TJP2: variants seen among roughly 807,000 people sequenced by gnomAD.
TJP2 encodes the protein tight junction protein 2.
In TJP2, 91 loss-of-function variants were observed where a neutral mutation model predicts 133.1. The ratio of observed to expected loss-of-function variants is 0.68; its 90% CI spans 0.58 to 0.81. The LOEUF (loss-of-function observed/expected upper bound fraction) is 0.81, where lower values mean the gene tolerates loss of function less well. Ranked by LOEUF, TJP2 falls within the 40% of genes least tolerant of loss-of-function variation. The pLI is 0.00. For missense variants in TJP2, 1,541 were observed against 1,565.6 expected (o/e 0.98, Z 0.26); for synonymous variants, 592 against 583.4 (o/e 1.01, Z -0.21).
intron 2 of TJP2, 37 bp from the exon 3 acceptor site, chr9:69,216,302 T>TGAA: frequency 6.2e-7 from 1 of 1,613,708 alleles, no homozygotes; most frequent in Non-Finnish European, 8.5e-7. Context: ...AGCCACTTAT[T>TGAA]GAAGGATTTT....
upstream of TJP2, among the ~76,000 whole-genome samples, chr9:69,171,551 C>T (rs1824681469): frequency 1.3e-5 from 2 of 152,094 alleles, no homozygotes; most frequent in African/African-American, 4.8e-5. Flanking sequence ...TTCTTTGTGT[C>T]TTAAAAACTC....
intron 1 of TJP2, among the ~76,000 whole-genome samples, chr9:69,150,871 A>G (rs978463158): frequency 6.6e-6 from 1 of 152,196 alleles, no homozygotes; most frequent in South Asian, 2.1e-4. Flanking sequence ...ACTTCCACCA[A>G]CTGAAGAATA....
intron 19 of TJP2, chr9:69,248,728 A>C (rs1226948231): frequency 6.0e-6 from 6 of 997,456 alleles, no homozygotes; most frequent in Non-Finnish European, 7.2e-6. Flanking sequence ...TCATCTGATC[A>C]CATCACATGT....
chr9:69,178,757 C>A (rs980931247), intron 1 of TJP2, among the ~76,000 whole-genome samples: 1 of 152,134 alleles, frequency 6.6e-6, no homozygotes, highest in Non-Finnish European at 1.5e-5. Context: ...AGCCATTCTG[C>A]AGTTTTTAAA....
intron 1 of TJP2, among the ~76,000 whole-genome samples, chr9:69,197,399 T>C (rs73450836): frequency 0.018 from 2,666 of 152,342 alleles, 61 homozygotes; most frequent in African/African-American, 0.061. Context: ...TTGGGCTGTT[T>C]CCACTTGTTT....
chr9:69,184,374 AC>A (rs1357231472), intron 1 of TJP2, among the ~76,000 whole-genome samples: 1 of 152,198 alleles, frequency 6.6e-6, no homozygotes, highest in Non-Finnish European at 1.5e-5. Context: ...TTGACCTTCC[AC>A]CTTCTCAGCA....
chr9:69,248,066 G>GGC lies in TJP2; in HGVS notation c.2726_2727dup (p.Asp910ArgfsTer4). The GGC allele has an allele frequency of 6.2e-7, 1 of 1,614,138 alleles. No homozygotes were observed. Among genetic ancestry groups the GGC allele is most frequent in the South Asian group, 1.1e-5 (1 of 91,082 alleles). On this transcript the variant is annotated frameshift_variant, in exon 19 of 23. Transcript: ENST00000377245. LOFTEE classifies it high-confidence loss of function. ...CCGCATGTCCTACTTAACCGCCATG[G>GGC]GCGCGGACTATCTGAGTTGCGACAG... is the stretch of plus-strand genomic sequence containing the variant.
At chr9:69,251,013 A>G (rs756364592) in intron 20 of TJP2, 22 bp from the exon 21 acceptor site, 75 of 1,608,168 alleles carry the variant, frequency 4.7e-5, no homozygotes, top group Non-Finnish European at 6.3e-5. Flanking sequence ...CCAGGGTGAA[A>G]ACGTGTCATT....
intron 11 of TJP2, among the ~76,000 whole-genome samples, chr9:69,231,735 G>C (rs545629255): frequency 6.6e-6 from 1 of 152,250 alleles, no homozygotes; most frequent in South Asian, 2.1e-4. Context: ...GCCCTGGTCA[G>C]GATCTAGAAG....
chr9:69,192,575 G>A (rs1826275779), intron 1 of TJP2, among the ~76,000 whole-genome samples: 2 of 152,152 alleles, frequency 1.3e-5, no homozygotes, highest in South Asian at 4.1e-4. Flanking sequence ...AGTTTTTGGT[G>A]GTGGTTTGTT....
chr9:69,250,993 A>C, intron 20 of TJP2, 42 bp from the exon 21 acceptor site: 1 of 1,573,992 alleles, frequency 6.4e-7, no homozygotes, highest in Non-Finnish European at 8.7e-7. Context: ...TTGAAAATAA[A>C]CTTAAAAGCC....
intron 2 of TJP2, among the ~76,000 whole-genome samples, chr9:69,213,209 G>A (rs918704980): frequency 5.3e-5 from 8 of 151,976 alleles, no homozygotes; most frequent in East Asian, 1.9e-4. Flanking sequence ...GATTACAGGC[G>A]CCTATCACCA....
intron 9 of TJP2, 99 bp downstream of exon 9, chr9:69,228,213 G>A: frequency 6.3e-6 from 9 of 1,417,948 alleles, no homozygotes; most frequent in Non-Finnish European, 8.7e-6. Context: ...GCAGCCACGT[G>A]GATGCAGCTG....
Position 69,254,511 on chromosome 9 carries a change from G to T in TJP2, c.*137G>T. ...GGGACTCCAGCTCGTGTGTCCTCAT[G>T]GAGAACCCAGGGGACAGCTGGTGCA... On this transcript the variant is annotated 3_prime_UTR_variant, in exon 23 of 23. Transcript: ENST00000377245. 3 of 1,123,744 alleles carry T rather than the reference G, an allele frequency of 2.7e-6. No homozygotes were observed. Among genetic ancestry groups the T allele is most frequent in the Non-Finnish European group, 3.9e-6 (3 of 767,956 alleles). The allele number at this position is 1,123,744 out of a possible 1,614,324, so 69.6% of individuals were successfully genotyped here. A position where few individuals can be genotyped will look rare whatever the true frequency, so the allele number is the denominator to read the frequency against.
At position 69,127,361 on chromosome 9, in the gene TJP2, G is replaced by A. The variant is rs1430995326; in HGVS notation, c.-131+5636G>A. ...TGGAATTACAGGCGTCAGCCACCGC[G>A]CCCGGCCGCAAGGGAGACCCCTGTC... On this transcript the variant is annotated intron_variant, in intron 1 of 5. Transcript: ENST00000423935. Among the ~76,000 whole-genome samples, 4 of 73,960 alleles carry A rather than the reference G, an allele frequency of 5.4e-5. 2 individuals carry two copies. The highest frequency in any genetic ancestry group is 8.3e-5 in the African/African-American group (2 of 24,134). The allele number at this position is 73,960 out of a possible 152,430, so 48.5% of individuals were successfully genotyped here.
chr9:69,131,107 C>T (rs1438367354), intron 1 of TJP2, among the ~76,000 whole-genome samples: 1 of 152,188 alleles, frequency 6.6e-6, no homozygotes, highest in Non-Finnish European at 1.5e-5. Context: ...TAAGTTCTCT[C>T]CCTCTTTCTG....
At chr9:69,246,342 C>G in intron 17 of TJP2, 1 of 364,310 alleles carries the variant, frequency 2.7e-6, no homozygotes, top group Admixed American at 3.8e-5. Context: ...GTGTATACAC[C>G]TCAGCCTCCC....
chr9:69,230,089 A>T lies in TJP2; in HGVS notation c.1528A>T (p.Thr510Ser), dbSNP rs1231149715. Residue 510 changes from threonine to serine, a missense_variant, in exon 11 of 23, where the codon ACC becomes TCC. Thr to Ser is a moderately conservative substitution (Grantham distance 58, BLOSUM62 1). Coordinates refer to ENST00000377245, the MANE Select transcript of TJP2 (RefSeq NM_004817.4). ...AAACGGAACCTATTGCAGCCCTAATACCAAAATGGTAAGGTTCAAGAAGGG... is the reference window on the plus strand; with the variant it reads ...AAACGGAACCTATTGCAGCCCTAATTCCAAAATGGTAAGGTTCAAGAAGGG... ...PEDEAIYGPN[T>S]KMVRFKKGDS... The T allele has an allele frequency of 6.2e-7, 1 of 1,614,140 alleles. No individual in the cohort carries two copies. Among genetic ancestry groups the T allele is most frequent in the Admixed American group, 1.7e-5 (1 of 60,012 alleles).
At chr9:69,152,260 C>T (rs1823510252) in intron 2 of TJP2, among the ~76,000 whole-genome samples, 3 of 152,074 alleles carry the variant, frequency 2.0e-5, no homozygotes, top group African/African-American at 7.2e-5. Context: ...GAGCTAGGAG[C>T]GAGTATTATC....
Sources: allele counts gnomAD v4.1 joint callset (sites outside exome capture counted in the v4.1 genomes callset), GRCh38; gene constraint gnomAD v4.1.1; transcripts MANE v1.5; gene names NCBI Gene and HGNC (gene_info 2026-07-23, HGNC 2026-07-21).